The following NUBPL variants were observed in gnomAD, a reference collection of about 807,000 sequenced individuals.
NUBPL encodes iron-sulfur cluster transfer protein NUBPL.
A neutral mutation model predicts 45.7 loss-of-function variants in NUBPL; 31 were observed. The ratio of observed to expected loss-of-function variants is 0.68; its 90% confidence interval spans 0.51 to 0.92. The LOEUF is 0.92. Among genes scored for constraint, NUBPL ranks in the 40% least tolerant of loss-of-function variants. The pLI is 0.00. For synonymous variants in NUBPL, 144 were observed against 140.9 expected (o/e 1.02, Z -0.15); for missense variants, 401 against 398.7 (o/e 1.01, Z -0.05).
chr14:31,683,892 T>G (rs1209599790), intron 6 of NUBPL, among the ~76,000 whole-genome samples: 1 of 152,218 alleles, frequency 6.6e-6, no homozygotes, highest in African/African-American at 2.4e-5. Context: ...AATTCAAGTC[T>G]TAAATGATGT....
At chr14:31,654,127 T>G in intron 4 of NUBPL, 1 of 453,912 alleles carries the variant, frequency 2.2e-6, no homozygotes, top group Non-Finnish European at 4.4e-6. Context: ...AGCAAGTGTC[T>G]CAATAAAGTA....
chr14:31,813,518 T>A (rs993598597), intron 7 of NUBPL, among the ~76,000 whole-genome samples: 1 of 150,580 alleles, frequency 6.6e-6, no homozygotes, highest in African/African-American at 2.4e-5. Context: ...TATATATATA[T>A]ACACACACAT....
intron 6 of NUBPL, among the ~76,000 whole-genome samples, chr14:31,695,748 C>T (rs1320083139): frequency 6.6e-6 from 1 of 152,094 alleles, no homozygotes; most frequent in Admixed American, 6.6e-5. Context: ...GCCTCCAGAA[C>T]CATGAGGTAA....
intron 6 of NUBPL, among the ~76,000 whole-genome samples, chr14:31,712,338 G>A (rs1170571319): frequency 1.3e-5 from 2 of 152,226 alleles, no homozygotes; most frequent in Non-Finnish European, 2.9e-5. Flanking sequence ...CTCGCCGCAG[G>A]ACTTTGCAGC....
rs150953202 is a variant in NUBPL, at chr14:31,647,316, C to T, written c.383-26039C>T. ...GGATTAGTTATTTATTCCAGTCTTC[C>T]GTCTCTGGCTTGCTTTGGTTTTTAT... On this transcript the variant is annotated intron_variant, in intron 4 of 10. Transcript: ENST00000281081. Among the ~76,000 whole-genome samples the T allele has an allele frequency of 2.3e-3, 355 of 152,092 alleles. 2 individuals carry two copies. The highest frequency in any genetic ancestry group is 7.5e-3 in the African/African-American group (310 of 41,492).
intron 7 of NUBPL, among the ~76,000 whole-genome samples, chr14:31,814,024 A>C (rs527579755): frequency 6.6e-6 from 1 of 152,188 alleles, no homozygotes; most frequent in South Asian, 2.1e-4. Flanking sequence ...TAGTAGAATG[A>C]TTTATAATCC....
At chr14:31,759,840 A>G (rs147571719) in intron 6 of NUBPL, among the ~76,000 whole-genome samples, 173 of 151,354 alleles carry the variant, frequency 1.1e-3, no homozygotes, top group African/African-American at 4.2e-3. Flanking sequence ...TTATTATATA[A>G]TAGGATTTGT....
At position 31,826,678 on chromosome 14, in the gene NUBPL, C is replaced by G; in HGVS notation, c.657C>G (p.His219Gln). ...AGGACATCGCATTGATGGATGCACACAAGGGTGCTGAGATGTTTCGCAGAG... is the reference window on the plus strand; with the variant it reads ...AGGACATCGCATTGATGGATGCACAGAAGGGTGCTGAGATGTTTCGCAGAG... ...TPQDIALMDA[H>Q]KGAEMFRRVH... Residue 219 changes from histidine to glutamine, a missense_variant, in exon 8 of 11, where the codon CAC becomes CAG. Coordinates refer to ENST00000281081, the MANE Select transcript of NUBPL (RefSeq NM_025152.3). 6.2e-7 allele frequency: 1 copy of G among 1,614,122 alleles called. No individual in the cohort carries two copies. The highest frequency in any genetic ancestry group is 1.1e-5 in the South Asian group (1 of 91,088).
intron 6 of NUBPL, among the ~76,000 whole-genome samples, chr14:31,726,901 AT>A (rs1238965993): frequency 6.6e-6 from 1 of 152,000 alleles, no homozygotes; most frequent in Non-Finnish European, 1.5e-5. Flanking sequence ...TGTCCTGTAC[AT>A]TGTAGGATTT....
At chr14:31,775,873 G>C (rs1566556008) in intron 6 of NUBPL, among the ~76,000 whole-genome samples, 1 of 152,056 alleles carries the variant, frequency 6.6e-6, no homozygotes. Flanking sequence ...TTAAGTTCAG[G>C]GTTCTACATC....
At chr14:31,707,218 C>G (rs150948319) in intron 6 of NUBPL, among the ~76,000 whole-genome samples, 1 of 152,170 alleles carries the variant, frequency 6.6e-6, no homozygotes, top group Non-Finnish European at 1.5e-5. Context: ...AGGAAGGCTA[C>G]GGATTGTCAG....
chr14:31,806,928 A>G (rs1353020718), intron 7 of NUBPL, among the ~76,000 whole-genome samples: 1 of 152,198 alleles, frequency 6.6e-6, no homozygotes, highest in African/African-American at 2.4e-5. Flanking sequence ...AGTTTCATCC[A>G]TGTCGCTACA....
chr14:31,834,008 G>A (rs1311752787), intron 8 of NUBPL, among the ~76,000 whole-genome samples: 1 of 152,062 alleles, frequency 6.6e-6, no homozygotes, highest in Non-Finnish European at 1.5e-5. Flanking sequence ...AAATCCTAAT[G>A]TAGATCACTG....
At chr14:31,742,286 C>T (rs2038303635) in intron 6 of NUBPL, among the ~76,000 whole-genome samples, 2 of 140,666 alleles carry the variant, frequency 1.4e-5, no homozygotes, top group South Asian at 4.4e-4. Flanking sequence ...ACACATCTTC[C>T]TTTCCCAGGT....
intron 4 of NUBPL, among the ~76,000 whole-genome samples, chr14:31,669,171 A>G (rs915255599): frequency 1.3e-5 from 2 of 151,980 alleles, no homozygotes; most frequent in Non-Finnish European, 1.5e-5. Flanking sequence ...CTTTATTTTT[A>G]TTTTTAATTG....
intron 10 of NUBPL, 85 bp downstream of exon 10, chr14:31,850,286 T>C (rs2040518345): frequency 7.7e-6 from 8 of 1,039,068 alleles, no homozygotes; most frequent in Non-Finnish European, 1.0e-5. Context: ...ATTAAGCGTT[T>C]ATATTTGCAG....
At chr14:31,749,701 A>G (rs1342911990) in intron 6 of NUBPL, among the ~76,000 whole-genome samples, 3 of 151,060 alleles carry the variant, frequency 2.0e-5, no homozygotes, top group Non-Finnish European at 3.0e-5. Context: ...GCTTGATTCT[A>G]TTTGGGGACT....
rs189802836 is a variant in NUBPL, at chr14:31,802,270, C to G, written c.607+14397C>G. On this transcript the variant is annotated intron_variant, in intron 7 of 10. Coordinates refer to ENST00000281081, the MANE Select transcript of NUBPL (RefSeq NM_025152.3). The stretch of plus-strand genomic sequence containing the variant: ...CTTAGCACACGATTTACTTGCCCTT[C>G]TTCTTCTTCTTCTTCTTTTTTTTTT... Among the ~76,000 whole-genome samples the G allele has an allele frequency of 6.6e-4, 27 of 41,216 alleles. No individual in the cohort carries two copies. In the East Asian group the frequency reaches 9.2e-3, roughly 14 times the overall value. The allele number at this position is 41,216 out of a possible 152,430, so 27.0% of individuals were successfully genotyped here. A position where few individuals can be genotyped will look rare whatever the true frequency, so the allele number is the denominator to read the frequency against.
chr14:31,664,413 A>C (rs9944113), intron 4 of NUBPL, among the ~76,000 whole-genome samples: 13,123 of 152,218 alleles, frequency 0.086, 686 homozygotes, highest in African/African-American at 0.15. Flanking sequence ...CGTTCCATCA[A>C]TACCTAGTTT....
Sources: allele counts gnomAD v4.1 joint callset (sites outside exome capture counted in the v4.1 genomes callset), GRCh38; gene constraint gnomAD v4.1.1; transcripts MANE v1.5; gene names NCBI Gene and HGNC (gene_info 2026-07-23, HGNC 2026-07-21).